The following COX7B2 variants were observed in gnomAD, a reference collection of about 807,000 sequenced individuals.
COX7B2 encodes the protein cytochrome c oxidase subunit 7B2, mitochondrial.
For missense variants in COX7B2, 109 were observed against 95.9 expected, an observed-to-expected ratio of 1.14 and a Z score of -0.57; for synonymous variants, 37 against 32.1, an observed-to-expected ratio of 1.15 and a Z score of -0.51.
chr4:46,788,031 A>C (rs769454192), intron 2 of COX7B2, among the ~76,000 whole-genome samples: 1 of 152,190 alleles, frequency 6.6e-6, no homozygotes, highest in Admixed American at 6.5e-5. Flanking sequence ...TTCAGGGACG[A>C]AGGCTTTCAA....
At chr4:46,856,213 T>C (rs903912184) in intron 1 of COX7B2, among the ~76,000 whole-genome samples, 2 of 152,108 alleles carry the variant, frequency 1.3e-5, no homozygotes, top group South Asian at 4.1e-4. Flanking sequence ...CACTCCAGCC[T>C]GGGCAACAGA....
intron 1 of COX7B2, among the ~76,000 whole-genome samples, chr4:46,885,952 T>C (rs1381012264): frequency 6.6e-6 from 1 of 152,152 alleles, no homozygotes; most frequent in Non-Finnish European, 1.5e-5. Flanking sequence ...AATAAATGTA[T>C]TGAATCAACT....
chr4:46,802,876 CTG>C (rs920356967), intron 2 of COX7B2, among the ~76,000 whole-genome samples: 1 of 152,094 alleles, frequency 6.6e-6, no homozygotes, highest in Non-Finnish European at 1.5e-5. Flanking sequence ...TGCTATAAAA[CTG>C]TGAAGAGATT....
At chr4:46,811,587 T>G (rs1719288083) in intron 2 of COX7B2, among the ~76,000 whole-genome samples, 1 of 152,204 alleles carries the variant, frequency 6.6e-6, no homozygotes, top group East Asian at 1.9e-4. Flanking sequence ...TCTCACTAAA[T>G]TTCCTTAAGA....
At chr4:46,756,444 C>T (rs116271379) in intron 2 of COX7B2, among the ~76,000 whole-genome samples, 443 of 151,974 alleles carry the variant, frequency 2.9e-3, no homozygotes, top group African/African-American at 0.01. Context: ...CAAAAATAGA[C>T]AAATTGAATT....
chr4:46,860,413 G>A (rs1267067469), intron 1 of COX7B2, among the ~76,000 whole-genome samples: 1 of 152,112 alleles, frequency 6.6e-6, no homozygotes, highest in South Asian at 2.1e-4. Flanking sequence ...GCAAGTTGAT[G>A]GTCTGCACAT....
At chr4:46,738,702 G>C (rs79411748) in intron 2 of COX7B2, among the ~76,000 whole-genome samples, 2 of 151,816 alleles carry the variant, frequency 1.3e-5, no homozygotes, top group Non-Finnish European at 2.9e-5. Flanking sequence ...CCATATGAAA[G>C]CATAAAAAAG....
intron 2 of COX7B2, among the ~76,000 whole-genome samples, chr4:46,791,209 C>G (rs1242363347): frequency 6.6e-6 from 1 of 150,960 alleles, no homozygotes; most frequent in Non-Finnish European, 1.5e-5. Context: ...GGGAGTTTTA[C>G]CGTGTTAGCC....
intron 2 of COX7B2, among the ~76,000 whole-genome samples, chr4:46,809,351 AGGC>A (rs1469646903): frequency 6.6e-6 from 1 of 151,572 alleles, no homozygotes; most frequent in Admixed American, 6.6e-5. Context: ...TAGTTCCTTG[AGGC>A]TTAATGTTAG....
intron 2 of COX7B2, among the ~76,000 whole-genome samples, chr4:46,792,217 T>A (rs1560383730): frequency 6.6e-6 from 1 of 152,224 alleles, no homozygotes; most frequent in African/African-American, 2.4e-5. Flanking sequence ...TTGAAAGTAC[T>A]TCTACATATA....
At chr4:46,738,793 G>A (rs1409154748) in intron 2 of COX7B2, among the ~76,000 whole-genome samples, 1 of 152,046 alleles carries the variant, frequency 6.6e-6, no homozygotes, top group Non-Finnish European at 1.5e-5. Context: ...AAAGATAGAG[G>A]AAGACAGATT....
chr4:46,827,044 T>C (rs539942843), intron 2 of COX7B2, among the ~76,000 whole-genome samples: 1 of 152,108 alleles, frequency 6.6e-6, no homozygotes, highest in African/African-American at 2.4e-5. Flanking sequence ...ATGGATTGAA[T>C]AAAATTTGGA....
intron 2 of COX7B2, among the ~76,000 whole-genome samples, chr4:46,755,010 A>G (rs1715691517): frequency 6.6e-6 from 1 of 150,778 alleles, no homozygotes; most frequent in Admixed American, 6.6e-5. Flanking sequence ...GAAAACATGC[A>G]GTGATGAACA....
intron 2 of COX7B2, among the ~76,000 whole-genome samples, chr4:46,833,952 A>G (rs1389169551): frequency 3.3e-5 from 5 of 152,188 alleles, no homozygotes; most frequent in African/African-American, 1.2e-4. Flanking sequence ...ATGTAGCTAT[A>G]AACTGTAGTA....
rs368282564 is a variant in COX7B2, at chr4:46,849,392, TACTA to T, written c.-104-4382_-104-4379del. 6.3e-4 allele frequency among the ~76,000 whole-genome samples: 96 copies of T among 152,238 alleles called. No individual in the cohort carries two copies. The South Asian group carries it at 9.5e-3, about 15-fold the overall frequency. ...TGGAGGAGTTTTTAACTTATTTTAT[TACTA>T]ACTATTTTCTATTTTTTAAATGCCC... On this transcript the variant is annotated intron_variant, in intron 1 of 2. Transcript: ENST00000355591.
chr4:46,904,895 T>C (rs1335808276), intron 1 of COX7B2, among the ~76,000 whole-genome samples: 1 of 152,226 alleles, frequency 6.6e-6, no homozygotes, highest in African/African-American at 2.4e-5. Flanking sequence ...TATTTGTATG[T>C]GTCTGCATGT....
rs149238969 is a variant in COX7B2, at chr4:46,800,018, T to C, written c.-50+44942A>G. 1.2e-3 allele frequency among the ~76,000 whole-genome samples: 186 copies of C among 152,206 alleles called. 5 individuals are homozygous for C. The East Asian group carries it at 0.031, about 26-fold the overall frequency. On this transcript the variant is annotated intron_variant, in intron 2 of 2. Coordinates refer to ENST00000355591, the MANE Select transcript of COX7B2 (RefSeq NM_130902.3). ...GGTAAGTTTTTTATTACTGATTAAA[T>C]TTCAGAACTCGTTATTAGTCTCTTA... is the stretch of plus-strand genomic sequence containing the variant.
At chr4:46,803,342 G>C (rs1369923511) in intron 2 of COX7B2, among the ~76,000 whole-genome samples, 2 of 152,054 alleles carry the variant, frequency 1.3e-5, no homozygotes. Flanking sequence ...TTGCCCTCTA[G>C]AAACAGGGTT....
intron 2 of COX7B2, among the ~76,000 whole-genome samples, chr4:46,837,266 C>CAAAG (rs1245705714): frequency 1.4e-5 from 2 of 139,158 alleles, no homozygotes; most frequent in African/African-American, 5.5e-5. Context: ...TATGAACACA[C>CAAAG]AAAGACATAC....
Sources: gnomAD v4.1 joint callset for allele counts (sites outside exome capture counted in the v4.1 genomes callset) on GRCh38, gnomAD v4.1.1 for gene constraint, MANE v1.5 for transcripts, NCBI Gene and HGNC (gene_info 2026-07-23, HGNC 2026-07-21) for gene names.